SUGCT: variants seen among roughly 807,000 people sequenced by gnomAD.
The protein encoded by SUGCT is succinyl-CoA:glutarate CoA-transferase.
A neutral mutation model predicts 55.0 loss-of-function variants in SUGCT; 41 were observed. The ratio of observed to expected loss-of-function variants is 0.74; its 90% CI spans 0.58 to 0.97. SUGCT has a LOEUF of 0.97. SUGCT is among the 50% of genes least tolerant of loss of function. The probability of loss-of-function intolerance (pLI) is 0.00; values close to 1 mark genes in which losing one functional copy is unlikely to be tolerated. For missense variants in SUGCT, 568 were observed against 547.8 expected, an observed-to-expected ratio of 1.04 and a Z score of -0.37; for synonymous variants, 187 against 200.4, an observed-to-expected ratio of 0.93 and a Z score of 0.56.
At chr7:40,804,285 T>C (rs762425594) in intron 13 of SUGCT, among the ~76,000 whole-genome samples, 1 of 152,182 alleles carries the variant, frequency 6.6e-6, no homozygotes, top group African/African-American at 2.4e-5. Context: ...ACAGCATTGA[T>C]CTAGTTCTTT....
intron 7 of SUGCT, among the ~76,000 whole-genome samples, chr7:40,246,766 T>G (rs1394719426): frequency 2.0e-5 from 3 of 152,036 alleles, no homozygotes; most frequent in Non-Finnish European, 2.9e-5. Flanking sequence ...CTGGCTATTT[T>G]TTTTGTATTT....
At chr7:40,637,355 C>T (rs1800062415) in intron 12 of SUGCT, among the ~76,000 whole-genome samples, 1 of 152,292 alleles carries the variant, frequency 6.6e-6, no homozygotes, top group South Asian at 2.1e-4. Context: ...CCACACAAGG[C>T]AGCCTCCCCT....
chr7:40,977,995 G>A, the SUGCT span, among the ~76,000 whole-genome samples: 2 of 152,080 alleles, frequency 1.3e-5, no homozygotes, highest in Admixed American at 6.6e-5. Context: ...TTTCCTGTTC[G>A]CCATTGGCTC....
intron 1 of SUGCT, among the ~76,000 whole-genome samples, chr7:40,157,935 A>C (rs1198526893): frequency 2.0e-5 from 3 of 152,222 alleles, no homozygotes; most frequent in Non-Finnish European, 4.4e-5. Context: ...GGGGCCAGGC[A>C]CAGTTGCTCA....
At position 40,569,651 on chromosome 7, in the gene SUGCT, A is replaced by G. The variant is rs74397699; in HGVS notation, c.1089+73265A>G. ...CTGACAGATCATTGAGAAAATACAAATGTGGGTTTACATTTCTACTGTAAA... is the reference window on the plus strand; with the variant it reads ...CTGACAGATCATTGAGAAAATACAAGTGTGGGTTTACATTTCTACTGTAAA... On this transcript the variant is annotated intron_variant, in intron 12 of 13. Coordinates refer to ENST00000335693, the MANE Select transcript of SUGCT (RefSeq NM_001193313.2). Among the ~76,000 whole-genome samples the G allele has an allele frequency of 2.2e-3, 337 of 152,232 alleles. 1 individual carries two copies. The highest frequency in any genetic ancestry group is 7.2e-3 in the African/African-American group (299 of 41,544).
the SUGCT span, among the ~76,000 whole-genome samples, chr7:40,980,611 G>A: frequency 1.3e-5 from 2 of 151,792 alleles, no homozygotes; most frequent in Non-Finnish European, 2.9e-5. Context: ...ACAGGCATAG[G>A]ATAGACATTC....
At chr7:40,619,972 A>G (rs1799188341) in intron 12 of SUGCT, among the ~76,000 whole-genome samples, 1 of 152,246 alleles carries the variant, frequency 6.6e-6, no homozygotes, top group Non-Finnish European at 1.5e-5. Flanking sequence ...TACCATTACA[A>G]TGAGTGAAAA....
chr7:40,949,898 T>C, the SUGCT span, among the ~76,000 whole-genome samples: 58,887 of 151,720 alleles, frequency 0.39, 11,950 homozygotes, highest in Admixed American at 0.5. Flanking sequence ...ATGATGCCTC[T>C]AGCTTTGTTC....
chr7:40,313,631 GTT>G (rs199558187), intron 8 of SUGCT, among the ~76,000 whole-genome samples: 2 of 117,288 alleles, frequency 1.7e-5, no homozygotes, highest in Non-Finnish European at 4.0e-5. Context: ...TTGTTTGTTT[GTT>G]TTTGTTTTTG....
intron 12 of SUGCT, among the ~76,000 whole-genome samples, chr7:40,703,835 A>G (rs1163241262): frequency 6.6e-6 from 1 of 152,210 alleles, no homozygotes; most frequent in East Asian, 1.9e-4. Context: ...TGGATACCAA[A>G]TAATAGCAAC....
intron 12 of SUGCT, among the ~76,000 whole-genome samples, chr7:40,591,839 C>T (rs1023899630): frequency 1.3e-5 from 2 of 152,098 alleles, no homozygotes; most frequent in Admixed American, 6.6e-5. Flanking sequence ...ATTTTTTAGA[C>T]GTAATGCTAT....
the SUGCT span, among the ~76,000 whole-genome samples, chr7:40,927,114 A>G: frequency 1.3e-5 from 2 of 152,204 alleles, no homozygotes; most frequent in African/African-American, 4.8e-5. Flanking sequence ...AAAAACTTGT[A>G]TATGTGGCAT....
chr7:40,203,932 A>G (rs886493675), intron 6 of SUGCT, among the ~76,000 whole-genome samples: 41 of 152,118 alleles, frequency 2.7e-4, no homozygotes, highest in African/African-American at 8.0e-4. Flanking sequence ...TAAAAAATCA[A>G]TTGAAAGGTG....
the SUGCT span, among the ~76,000 whole-genome samples, chr7:40,952,252 G>GT: frequency 6.6e-6 from 1 of 152,010 alleles, no homozygotes; most frequent in East Asian, 1.9e-4. Context: ...TAAAGTCTGT[G>GT]TTATCTGAGA....
intron 12 of SUGCT, among the ~76,000 whole-genome samples, chr7:40,735,337 C>T (rs557451297): frequency 1.4e-4 from 21 of 152,168 alleles, no homozygotes; most frequent in African/African-American, 5.1e-4. Context: ...TGTTATTTTT[C>T]GTATTTTCTG....
chr7:40,242,694 G>A (rs1034117823), intron 7 of SUGCT, among the ~76,000 whole-genome samples: 1 of 151,444 alleles, frequency 6.6e-6, no homozygotes, highest in African/African-American at 2.4e-5. Context: ...CCATTTGAAA[G>A]AGTGGGAGAG....
chr7:40,693,391 T>C (rs1045040772), intron 12 of SUGCT, among the ~76,000 whole-genome samples: 38 of 152,230 alleles, frequency 2.5e-4, no homozygotes, highest in African/African-American at 8.9e-4. Flanking sequence ...TCAGGTGCTA[T>C]TCCAAATGCT....
At chr7:40,563,862 T>G (rs1291773986) in intron 12 of SUGCT, among the ~76,000 whole-genome samples, 1 of 152,210 alleles carries the variant, frequency 6.6e-6, no homozygotes, top group Admixed American at 6.5e-5. Flanking sequence ...GAATATGATC[T>G]GAAAGGCCTA....
At chr7:40,254,322 C>T (rs1020334829) in intron 7 of SUGCT, among the ~76,000 whole-genome samples, 3 of 151,058 alleles carry the variant, frequency 2.0e-5, no homozygotes, top group Non-Finnish European at 4.4e-5. Context: ...TTTCTTTTTT[C>T]ATAGAAAGTA....
Sources: gnomAD v4.1 joint callset for allele counts (sites outside exome capture counted in the v4.1 genomes callset) on GRCh38, gnomAD v4.1.1 for gene constraint, MANE v1.5 for transcripts, NCBI Gene and HGNC (gene_info 2026-07-23, HGNC 2026-07-21) for gene names.